LPAR6: variants seen among roughly 807,000 people sequenced by gnomAD.
The protein encoded by LPAR6 is G-protein coupled purinergic receptor P2Y5.
Under a neutral mutation model 22.0 loss-of-function variants are expected in LPAR6, and 17 were observed. That is an observed-to-expected ratio of 0.77 (90% CI 0.53 to 1.16). The LOEUF is 1.16. Among genes scored for constraint, LPAR6 ranks in the 50% most tolerant of loss-of-function variants. The pLI is 0.00. For synonymous variants in LPAR6, 136 were observed against 139.8 expected (o/e 0.97, Z 0.19); for missense variants, 384 against 406.9 (o/e 0.94, Z 0.48).
At position 48,411,973 on chromosome 13, in the gene LPAR6, C is replaced by G. The variant is rs776012380; in HGVS notation, c.451G>C (p.Ala151Pro). The part of the protein sequence containing the change: ...WLTVIGGSAP[A>P]VFVQSTHSQG... Reference sequence around the variant, plus strand: ...GAGTGGGTAGACTGAACAAAAACGGCGGGTGCACTTCCTCCGATCACAGTT... The same window carrying G: ...GAGTGGGTAGACTGAACAAAAACGGGGGGTGCACTTCCTCCGATCACAGTT... Residue 151 changes from alanine (A) to proline (P), a missense_variant, in exon 1 of 1, where the codon GCC (alanine) becomes CCC (proline). Transcript: ENST00000620633. 8.1e-6 allele frequency: 13 copies of G among 1,600,038 alleles called. No homozygotes were observed. The highest frequency in any genetic ancestry group is 1.0e-5 in the Non-Finnish European group (12 of 1,172,376).
At chr13:48,432,482 T>C (rs1400505686) in intron 1 of LPAR6, among the ~76,000 whole-genome samples, 3 of 151,588 alleles carry the variant, frequency 2.0e-5, no homozygotes, top group Non-Finnish European at 2.9e-5. Flanking sequence ...TCTCGGAGAG[T>C]AGCTGTCTCT....
chr13:48,412,244 T>C lies in LPAR6; in HGVS notation c.180A>G (p.Ala60=). The C allele has an allele frequency of 6.2e-7, 1 of 1,614,090 alleles. No individual in the cohort carries two copies. Among genetic ancestry groups the C allele is most frequent in the South Asian group, 1.1e-5 (1 of 91,072 alleles). The change falls in exon 1 of 1, where the codon GCA becomes GCG. Residue 60 remains alanine, a synonymous_variant. Coordinates refer to ENST00000620633, the MANE Select transcript of LPAR6 (RefSeq NM_001162498.3). ...NETTTYMINL[A]MSDLLFVFTL... is the part of the protein sequence containing the mutation. ...TAAAAACAAAAAGCAAGTCTGACAT[T>C]GCCAAGTTAATCATGTAAGTTGTAG...
intron 1 of LPAR6, among the ~76,000 whole-genome samples, chr13:48,443,203 C>T (rs921447509): frequency 2.2e-4 from 33 of 151,172 alleles, no homozygotes; most frequent in Admixed American, 2.1e-3. Flanking sequence ...TTTTGAAAGA[C>T]TTAAAAAAAA....
chr13:48,397,557 A>G (rs907473233), intron 1 of LPAR6, among the ~76,000 whole-genome samples: 1 of 152,166 alleles, frequency 6.6e-6, no homozygotes, highest in Admixed American at 6.5e-5. Flanking sequence ...ATGGGTTGAT[A>G]GGTGCAGCAA....
At chr13:48,414,791 A>G (rs1015395047), upstream of LPAR6, among the ~76,000 whole-genome samples, 1 of 152,232 alleles carries the variant, frequency 6.6e-6, no homozygotes, top group African/African-American at 2.4e-5. Context: ...ACAAAAAAAG[A>G]TGAGTATTAC....
At chr13:48,414,242 G>A (rs755280788), upstream of LPAR6, among the ~76,000 whole-genome samples, 1 of 151,810 alleles carries the variant, frequency 6.6e-6, no homozygotes, top group Non-Finnish European at 1.5e-5. Context: ...AGCTACCCAG[G>A]AGACTGAGGC....
chr13:48,401,092 A>G (rs1948687808), intron 1 of LPAR6, among the ~76,000 whole-genome samples: 1 of 152,130 alleles, frequency 6.6e-6, no homozygotes. Context: ...TCATGTCAGT[A>G]ATTACCCTGA....
intron 1 of LPAR6, among the ~76,000 whole-genome samples, chr13:48,403,640 A>G (rs1948713571): frequency 6.6e-6 from 1 of 152,170 alleles, no homozygotes; most frequent in African/African-American, 2.4e-5. Context: ...AAACTTGAGC[A>G]TGCATCAAAA....
chr13:48,401,918 G>T (rs1948695530), intron 1 of LPAR6, among the ~76,000 whole-genome samples: 1 of 151,938 alleles, frequency 6.6e-6, no homozygotes, highest in African/African-American at 2.4e-5. Flanking sequence ...AATCTGTCTT[G>T]CTATCTTTTA....
At chr13:48,390,894 T>C (rs921132719) in intron 1 of LPAR6, among the ~76,000 whole-genome samples, 1 of 152,226 alleles carries the variant, frequency 6.6e-6, no homozygotes, top group African/African-American at 2.4e-5. Flanking sequence ...TTGTTGGGTG[T>C]TGCTTTCTTA....
In LPAR6 at chr13:48,436,034, G is replaced by A. The variant is rs4151556; in HGVS notation, c.-1474+8519C>T. On this transcript the variant is annotated intron_variant, in intron 1 of 6. Coordinates refer to the LPAR6 transcript ENST00000378434. The stretch of plus-strand genomic sequence containing the variant: ...AAATCTATTGTAAATATAAAGACAC[G>A]AATATGTTAAAAGGATGAATGAAAA... Among the ~76,000 whole-genome samples the A allele has an allele frequency of 1.0e-2, 1,516 of 152,164 alleles. 36 individuals are homozygous for A. Among genetic ancestry groups the A allele is most frequent in the African/African-American group, 0.035 (1,438 of 41,518 alleles).
chr13:48,400,523 TGTGA>T (rs1207632565), intron 1 of LPAR6, among the ~76,000 whole-genome samples: 1 of 152,146 alleles, frequency 6.6e-6, no homozygotes, highest in African/African-American at 2.4e-5. Flanking sequence ...TTTTTGTGTT[TGTGA>T]GTGTTACTAT....
chr13:48,438,884 A>G (rs942955455), intron 1 of LPAR6, among the ~76,000 whole-genome samples: 3 of 152,120 alleles, frequency 2.0e-5, no homozygotes, highest in African/African-American at 7.2e-5. Flanking sequence ...TATATAGGTT[A>G]TTTTATTTTC....
upstream of LPAR6, among the ~76,000 whole-genome samples, chr13:48,413,853 T>G (rs1439071445): frequency 6.6e-6 from 1 of 152,226 alleles, no homozygotes; most frequent in African/African-American, 2.4e-5. Flanking sequence ...TTTTTAACCT[T>G]AAATTGATTG....
intron 1 of LPAR6, among the ~76,000 whole-genome samples, chr13:48,433,622 T>C (rs1241359007): frequency 6.6e-6 from 1 of 151,992 alleles, no homozygotes; most frequent in Non-Finnish European, 1.5e-5. Context: ...GACAAAAGCA[T>C]AATTGTTTCT....
rs1307227665 is a variant in LPAR6 at position 48,437,653 on chromosome 13, T to C, written c.-1474+6900A>G. On this transcript the variant is annotated intron_variant, in intron 1 of 6. Coordinates refer to the LPAR6 transcript ENST00000378434. ...GCCAGGGGCTTCATTTTTTTTGCCA[T>C]GTGAGCCTCTCCGTAGGGCTACTCC... 2.6e-5 allele frequency among the ~76,000 whole-genome samples: 4 copies of C among 152,218 alleles called. No homozygotes were observed. The South Asian group carries it at 6.2e-4, about 24-fold the overall frequency.
chr13:48,396,628 A>G (rs1027121054), intron 1 of LPAR6, among the ~76,000 whole-genome samples: 2 of 152,240 alleles, frequency 1.3e-5, no homozygotes, highest in East Asian at 3.8e-4. Flanking sequence ...AATGGCAACA[A>G]AAGCCAAAAT....
upstream of LPAR6, among the ~76,000 whole-genome samples, chr13:48,417,694 AC>A (rs71099696): frequency 0.21 from 31,681 of 152,092 alleles, 3,455 homozygotes; most frequent in South Asian, 0.26. Flanking sequence ...AACATAAATG[AC>A]CTGATGGAGC....
downstream of LPAR6, among the ~76,000 whole-genome samples, chr13:48,407,887 G>A (rs1336719569): frequency 5.7e-4 from 87 of 152,104 alleles, 1 homozygote; most frequent in Non-Finnish European, 1.3e-4. Context: ...AGTTGGACTG[G>A]CATTTAGGCA....
Sources: allele counts gnomAD v4.1 joint callset (sites outside exome capture counted in the v4.1 genomes callset), GRCh38; gene constraint gnomAD v4.1.1; transcripts MANE v1.5; gene names NCBI Gene and HGNC (gene_info 2026-07-23, HGNC 2026-07-21).